The following NECAB1 variants were observed in gnomAD, a reference collection of about 807,000 sequenced individuals.
NECAB1 encodes the protein N-terminal EF-hand calcium binding protein 1, also known as N-terminal EF-hand calcium-binding protein 1.
NECAB1 carries 29 observed loss-of-function variants against 57.5 expected under a neutral mutation model. That is an observed-to-expected ratio of 0.50 (90% CI 0.38 to 0.69). The LOEUF (loss-of-function observed/expected upper bound fraction) is 0.69. Among genes scored for constraint, NECAB1 ranks in the 30% least tolerant of loss-of-function variants. The probability of loss-of-function intolerance (pLI) is 0.00; values close to 1 mark genes in which losing one functional copy is unlikely to be tolerated. For synonymous variants in NECAB1, 142 were observed against 147.7 expected (o/e 0.96, Z 0.28); for missense variants, 372 against 413.8 (o/e 0.90, Z 0.88).
At chr8:90,798,131 G>A (rs1479849011) in intron 1 of NECAB1, among the ~76,000 whole-genome samples, 2 of 152,068 alleles carry the variant, frequency 1.3e-5, no homozygotes, top group African/African-American at 2.4e-5. Context: ...GCTGCACCAC[G>A]CCAATACCTG....
At chr8:90,866,743 T>A (rs1808522074) in intron 3 of NECAB1, among the ~76,000 whole-genome samples, 1 of 152,050 alleles carries the variant, frequency 6.6e-6, no homozygotes, top group East Asian at 1.9e-4. Flanking sequence ...CATTAAACAG[T>A]CAGGAAACAG....
intron 2 of NECAB1, 106 bp downstream of exon 2, chr8:90,801,821 A>C (rs977127486): frequency 2.4e-5 from 18 of 742,292 alleles, no homozygotes; most frequent in Non-Finnish European, 2.2e-6. Context: ...ATTACATATA[A>C]AATACTACCT....
At chr8:90,854,063 T>C (rs1340105568) in intron 3 of NECAB1, among the ~76,000 whole-genome samples, 1 of 152,178 alleles carries the variant, frequency 6.6e-6, no homozygotes, top group Non-Finnish European at 1.5e-5. Flanking sequence ...TGATACTATC[T>C]GGGAGGCCTG....
intron 5 of NECAB1, among the ~76,000 whole-genome samples, chr8:90,912,465 A>G (rs1298327279): frequency 6.6e-6 from 1 of 152,170 alleles, no homozygotes; most frequent in African/African-American, 2.4e-5. Flanking sequence ...TAGGGCTCAG[A>G]ATTTATTTCA....
chr8:90,861,001 CTG>C (rs1357186503), intron 3 of NECAB1, among the ~76,000 whole-genome samples: 1 of 152,144 alleles, frequency 6.6e-6, no homozygotes, highest in African/African-American at 2.4e-5. Context: ...TTTTATAAGA[CTG>C]TGAGTGAAAG....
At chr8:90,934,267 T>TG in intron 8 of NECAB1, 37 bp from the exon 9 acceptor site, 2 of 1,432,578 alleles carry the variant, frequency 1.4e-6, no homozygotes, top group African/African-American at 1.4e-5. Flanking sequence ...ATGATATAAT[T>TG]TTTTTTCTTT....
chr8:90,838,813 A>T (rs1317672279), intron 3 of NECAB1, among the ~76,000 whole-genome samples: 1 of 152,056 alleles, frequency 6.6e-6, no homozygotes, highest in Admixed American at 6.6e-5. Flanking sequence ...CATGACAGAA[A>T]TCTCCCTTTC....
chr8:90,921,446 A>G (rs966491680), intron 6 of NECAB1, among the ~76,000 whole-genome samples: 4 of 151,944 alleles, frequency 2.6e-5, no homozygotes, highest in African/African-American at 7.3e-5. Context: ...AGGCAGGTGG[A>G]TCACCTGAGG....
intron 10 of NECAB1, among the ~76,000 whole-genome samples, chr8:90,941,528 A>C (rs1055522456): frequency 6.6e-6 from 1 of 152,182 alleles, no homozygotes; most frequent in African/African-American, 2.4e-5. Flanking sequence ...AATAGTTACT[A>C]TAATAATTTT....
chr8:90,799,916 A>T (rs1414688649), intron 1 of NECAB1, among the ~76,000 whole-genome samples: 1 of 152,192 alleles, frequency 6.6e-6, no homozygotes, highest in Admixed American at 6.5e-5. Flanking sequence ...TTTTAACAAT[A>T]TTGATTCTTC....
At chr8:90,812,140 A>C (rs906061330) in intron 2 of NECAB1, among the ~76,000 whole-genome samples, 3 of 152,222 alleles carry the variant, frequency 2.0e-5, no homozygotes, top group Non-Finnish European at 2.9e-5. Flanking sequence ...GTGAGAATGC[A>C]GGTATAGAGG....
At chr8:90,936,715 C>T (rs953338221) in intron 9 of NECAB1, among the ~76,000 whole-genome samples, 3 of 152,132 alleles carry the variant, frequency 2.0e-5, no homozygotes, top group African/African-American at 7.2e-5. Context: ...AGCAAAAGTC[C>T]TGAACCCTAG....
chr8:90,952,549 T>C (rs1810942653), intron 12 of NECAB1, among the ~76,000 whole-genome samples: 1 of 151,576 alleles, frequency 6.6e-6, no homozygotes, highest in African/African-American at 2.4e-5. Flanking sequence ...GAGGCTGAGG[T>C]GGGCGGATCA....
chr8:90,877,550 C>T (rs185738779), intron 4 of NECAB1, among the ~76,000 whole-genome samples: 1 of 152,226 alleles, frequency 6.6e-6, no homozygotes, highest in East Asian at 1.9e-4. Flanking sequence ...AATAAGCCTA[C>T]AAATCACCTG....
intron 6 of NECAB1, among the ~76,000 whole-genome samples, chr8:90,918,306 C>T (rs965491125): frequency 6.6e-6 from 1 of 151,626 alleles, no homozygotes; most frequent in Non-Finnish European, 1.5e-5. Context: ...GCCACTGAGC[C>T]CAGCTGAGTC....
At chr8:90,857,584 G>A (rs1170995631) in intron 3 of NECAB1, among the ~76,000 whole-genome samples, 1 of 151,944 alleles carries the variant, frequency 6.6e-6, no homozygotes, top group Non-Finnish European at 1.5e-5. Flanking sequence ...TGAAACACAG[G>A]AACATAATTT....
At chr8:90,836,144 C>T (rs991044179) in intron 3 of NECAB1, among the ~76,000 whole-genome samples, 5 of 152,146 alleles carry the variant, frequency 3.3e-5, no homozygotes, top group African/African-American at 7.2e-5. Flanking sequence ...TTAACAGACA[C>T]AAAATACGTT....
chr8:90,832,904 T>A (rs1339997811), intron 3 of NECAB1, among the ~76,000 whole-genome samples: 2 of 152,182 alleles, frequency 1.3e-5, no homozygotes, highest in Non-Finnish European at 2.9e-5. Context: ...GTATCAGAAA[T>A]CAAAATATTC....
intron 1 of NECAB1, among the ~76,000 whole-genome samples, chr8:90,797,945 G>A (rs904731017): frequency 6.6e-6 from 1 of 152,134 alleles, no homozygotes; most frequent in Non-Finnish European, 1.5e-5. Flanking sequence ...TCCTAGGGCT[G>A]CTCTAACAAA....
Sources: gnomAD v4.1 joint callset for allele counts (sites outside exome capture counted in the v4.1 genomes callset) on GRCh38, gnomAD v4.1.1 for gene constraint, MANE v1.5 for transcripts, NCBI Gene and HGNC (gene_info 2026-07-23, HGNC 2026-07-21) for gene names.